Variants in SLC9D1 observed in about 807,000 individuals in gnomAD.
SLC9D1 encodes the protein solute carrier family 9 member D1, also known as putative LAG1-interacting protein.
the SLC9D1 span, chr13:113,536,494 A>T: frequency 1.2e-6 from 1 of 817,816 alleles, no homozygotes; most frequent in African/African-American, 1.9e-5. Flanking sequence ...ACTTATTTAA[A>T]TTCTTACATT....
At chr13:113,508,422 A>G in the SLC9D1 span, among the ~76,000 whole-genome samples, 1 of 152,194 alleles carries the variant, frequency 6.6e-6, no homozygotes, top group Admixed American at 6.5e-5. Flanking sequence ...GGGTGCTTCC[A>G]TTGCTCTTCG....
the SLC9D1 span, among the ~76,000 whole-genome samples, chr13:113,531,517 G>A: frequency 7.3e-5 from 11 of 151,466 alleles, no homozygotes; most frequent in Middle Eastern, 3.4e-3. Context: ...GTGACACGGC[G>A]CCCCGTACGT....
the SLC9D1 span, chr13:113,548,551 C>A: frequency 1.5e-6 from 2 of 1,356,364 alleles, no homozygotes. Context: ...CACAGCGGGG[C>A]CTGGGGGCAG....
At chr13:113,497,938 C>T in the SLC9D1 span, among the ~76,000 whole-genome samples, 2 of 152,162 alleles carry the variant, frequency 1.3e-5, no homozygotes, top group African/African-American at 4.8e-5. Flanking sequence ...TCCCTTGTAA[C>T]TTGAATTTGA....
the SLC9D1 span, chr13:113,498,482 G>A: frequency 6.3e-7 from 1 of 1,592,414 alleles, no homozygotes; most frequent in Non-Finnish European, 8.5e-7. Context: ...ATCGTCTGGA[G>A]GAAGAGATAG....
At chr13:113,540,793 C>G in the SLC9D1 span, among the ~76,000 whole-genome samples, 137 of 152,326 alleles carry the variant, frequency 9.0e-4, no homozygotes, top group East Asian at 8.1e-3. Context: ...CTTCATGAAA[C>G]CTTTGCCAAG....
At chr13:113,543,175 C>CCA in the SLC9D1 span, among the ~76,000 whole-genome samples, 1 of 63,292 alleles carries the variant, frequency 1.6e-5, no homozygotes, top group Non-Finnish European at 3.0e-5. Flanking sequence ...TGTCCGGACC[C>CCA]CACCTCCTCC....
At chr13:113,507,992 C>T in the SLC9D1 span, among the ~76,000 whole-genome samples, 7 of 152,362 alleles carry the variant, frequency 4.6e-5, no homozygotes, top group South Asian at 1.2e-3. Context: ...CTGACCTGGG[C>T]GCACCTGCAG....
At chr13:113,506,558 A>AGTGTGTGTGT in the SLC9D1 span, among the ~76,000 whole-genome samples, 40 of 109,858 alleles carry the variant, frequency 3.6e-4, no homozygotes, top group East Asian at 1.7e-3. Flanking sequence ...TGTGTGTGTG[A>AGTGTGTGTGT]GTGTGTGTGT....
the SLC9D1 span, chr13:113,539,447 A>T: frequency 1.9e-6 from 3 of 1,613,494 alleles, no homozygotes; most frequent in Admixed American, 5.0e-5. The surrounding 1 kb of genome is among the most constrained non-coding windows in gnomAD (Gnocchi z 4.8). Context: ...CACCGAGGAG[A>T]TCGCCACCTC....
the SLC9D1 span, chr13:113,527,295 A>G: frequency 6.6e-6 from 1 of 152,056 alleles, no homozygotes; most frequent in Non-Finnish European, 1.5e-5. Context: ...TGATGTTCCC[A>G]TCTATCTTCT....
chr13:113,548,484 G>C, the SLC9D1 span: 1 of 1,585,164 alleles, frequency 6.3e-7, no homozygotes, highest in Non-Finnish European at 8.6e-7. Context: ...AGCGCTTCTC[G>C]GGCGGCACGG....
At chr13:113,549,527 T>C in the SLC9D1 span, 1 of 1,613,986 alleles carries the variant, frequency 6.2e-7, no homozygotes, top group Non-Finnish European at 8.5e-7. Context: ...GGAGAGACGG[T>C]CCAGCCTCTG....
chr13:113,513,098 A>C, the SLC9D1 span, among the ~76,000 whole-genome samples: 1 of 152,148 alleles, frequency 6.6e-6, no homozygotes, highest in Non-Finnish European at 1.5e-5. Flanking sequence ...GTAGAAGGGA[A>C]CGTCTGAACA....
chr13:113,543,085 C>T, the SLC9D1 span, among the ~76,000 whole-genome samples: 1 of 81,950 alleles, frequency 1.2e-5, no homozygotes, highest in Non-Finnish European at 2.4e-5. Flanking sequence ...CTACCTCTGT[C>T]TGTGACCCCC....
At chr13:113,531,303 C>T in the SLC9D1 span, among the ~76,000 whole-genome samples, 3 of 152,134 alleles carry the variant, frequency 2.0e-5, no homozygotes, top group African/African-American at 7.2e-5. Context: ...GCGGGCCAGA[C>T]GTGCTGATGG....
chr13:113,538,037 G>T, the SLC9D1 span, among the ~76,000 whole-genome samples: 2 of 151,404 alleles, frequency 1.3e-5, no homozygotes, highest in Admixed American at 6.6e-5. Flanking sequence ...ACATGTGTGG[G>T]GTATGCTTTA....
chr13:113,538,357 T>C, the SLC9D1 span, among the ~76,000 whole-genome samples: 3 of 152,352 alleles, frequency 2.0e-5, no homozygotes, highest in Non-Finnish European at 4.4e-5. Context: ...TGCCCTCGGC[T>C]GCACCGCAGC....
At chr13:113,522,341 T>C in the SLC9D1 span, among the ~76,000 whole-genome samples, 1 of 152,216 alleles carries the variant, frequency 6.6e-6, no homozygotes, top group Non-Finnish European at 1.5e-5. Flanking sequence ...TTTGTTGTTG[T>C]TGTTGTTGTT....
Sources: gnomAD v4.1 joint callset for allele counts (sites outside exome capture counted in the v4.1 genomes callset) on GRCh38, gnomAD v4.1.1 for gene constraint, Gnocchi (gnomAD v3.1) non-coding constraint, MANE v1.5 for transcripts, NCBI Gene and HGNC (gene_info 2026-07-23, HGNC 2026-07-21) for gene names.